Variants in TSPAN15 observed in about 807,000 individuals in gnomAD.
TSPAN15 encodes tetraspanin-15.
A neutral mutation model predicts 34.5 loss-of-function variants in TSPAN15; 20 were observed. The observed-to-expected ratio is 0.58, with a 90% CI of 0.41 to 0.84. The LOEUF is 0.84. Among genes scored for constraint, TSPAN15 ranks in the 40% least tolerant of loss-of-function variants. The probability of loss-of-function intolerance (pLI) is 0.00; values close to 1 mark genes in which losing one functional copy is unlikely to be tolerated. For missense variants in TSPAN15, 313 were observed against 386.1 expected, an observed-to-expected ratio of 0.81 and a Z score of 1.59; for synonymous variants, 155 against 153.9, an observed-to-expected ratio of 1.01 and a Z score of -0.05.
chr10:69,535,200 A>G, the TSPAN15 span, among the ~76,000 whole-genome samples: 1 of 152,164 alleles, frequency 6.6e-6, no homozygotes, highest in Non-Finnish European at 1.5e-5. Context: ...TGAAAAATAA[A>G]CCAGGCTTTT....
the TSPAN15 span, among the ~76,000 whole-genome samples, chr10:69,514,826 TAAACAAGGATACAG>T: frequency 1.3e-5 from 2 of 152,248 alleles, no homozygotes; most frequent in Admixed American, 1.3e-4. Flanking sequence ...ATTCCCATCT[TAAACAAGGATACAG>T]ACAAGCAAGG....
chr10:69,535,650 C>G, the TSPAN15 span, among the ~76,000 whole-genome samples: 1 of 152,220 alleles, frequency 6.6e-6, no homozygotes, highest in African/African-American at 2.4e-5. Context: ...GTGTCTAGGG[C>G]CAGCTTTCTG....
chr10:69,549,194 C>A, the TSPAN15 span, among the ~76,000 whole-genome samples: 2 of 152,146 alleles, frequency 1.3e-5, no homozygotes, highest in South Asian at 2.1e-4. Context: ...GGATGCTAAT[C>A]TGCCATGTTG....
chr10:69,510,228 A>G (rs113114624), downstream of TSPAN15, among the ~76,000 whole-genome samples: 3 of 152,308 alleles, frequency 2.0e-5, no homozygotes, highest in African/African-American at 4.8e-5. Context: ...ATGTTTTTCC[A>G]TTTGTTTGTG....
At chr10:69,498,426 G>T (rs768686809) in intron 5 of TSPAN15, 30 bp downstream of exon 5, 1 of 1,565,704 alleles carries the variant, frequency 6.4e-7, no homozygotes, top group Non-Finnish European at 8.8e-7. Context: ...GGACTGGGGG[G>T]CTGTCGGGGA....
chr10:69,503,964 A>G (rs975993485), intron 5 of TSPAN15, among the ~76,000 whole-genome samples: 7 of 152,206 alleles, frequency 4.6e-5, no homozygotes, highest in South Asian at 2.1e-4. Context: ...GCAGTGGTCT[A>G]TGGAACGGAA....
At chr10:69,539,477 A>AG in the TSPAN15 span, among the ~76,000 whole-genome samples, 9 of 56,436 alleles carry the variant, frequency 1.6e-4, no homozygotes, top group Admixed American at 6.5e-4. Context: ...AAGGAGAAGG[A>AG]GAAGGAGAAG....
intron 1 of TSPAN15, among the ~76,000 whole-genome samples, chr10:69,474,938 G>A (rs993989217): frequency 6.6e-6 from 1 of 152,136 alleles, no homozygotes; most frequent in African/African-American, 2.4e-5. Flanking sequence ...CTGAGTCAGC[G>A]GGGTCTGGGG....
intron 1 of TSPAN15, among the ~76,000 whole-genome samples, chr10:69,457,002 G>A (rs142886978): frequency 2.7e-4 from 41 of 152,280 alleles, no homozygotes; most frequent in African/African-American, 9.6e-4. Flanking sequence ...GGGGATGTCT[G>A]CGGGAGAAAT....
At chr10:69,516,753 G>C in the TSPAN15 span, among the ~76,000 whole-genome samples, 2 of 152,172 alleles carry the variant, frequency 1.3e-5, no homozygotes, top group Non-Finnish European at 2.9e-5. Context: ...AATCACTGAG[G>C]GTATCCATTT....
intron 1 of TSPAN15, among the ~76,000 whole-genome samples, chr10:69,460,676 T>C (rs12360104): frequency 0.4 from 60,252 of 151,900 alleles, 12,483 homozygotes; most frequent in Non-Finnish European, 0.45. Context: ...CTCTTTGGAT[T>C]CTCAGAGTGA....
At chr10:69,492,789 C>T (rs1295876665) in intron 3 of TSPAN15, among the ~76,000 whole-genome samples, 4 of 152,222 alleles carry the variant, frequency 2.6e-5, no homozygotes, top group Non-Finnish European at 5.9e-5. Context: ...CTTCATCCCA[C>T]CCTGTTGGCA....
chr10:69,458,307 C>T (rs1420582971), intron 1 of TSPAN15, among the ~76,000 whole-genome samples: 2 of 152,184 alleles, frequency 1.3e-5, no homozygotes, highest in Admixed American at 6.5e-5. Context: ...GAAAATCATA[C>T]ATGCGCATAG....
At chr10:69,541,182 G>C in the TSPAN15 span, among the ~76,000 whole-genome samples, 2 of 152,258 alleles carry the variant, frequency 1.3e-5, no homozygotes, top group African/African-American at 4.8e-5. Flanking sequence ...TGATCACTGG[G>C]GGCAGTTCAT....
intron 1 of TSPAN15, among the ~76,000 whole-genome samples, chr10:69,476,670 A>G (rs1264396140): frequency 6.6e-6 from 1 of 152,146 alleles, no homozygotes; most frequent in Non-Finnish European, 1.5e-5. Flanking sequence ...GTTTTTATAA[A>G]GGAAGAAGTC....
intron 1 of TSPAN15, among the ~76,000 whole-genome samples, chr10:69,480,688 TTTTTC>T (rs1457069770): frequency 2.0e-5 from 3 of 152,176 alleles, no homozygotes; most frequent in East Asian, 3.9e-4. Context: ...CTTGGCCTTT[TTTTTC>T]TTTTCTTTTC....
In TSPAN15 at chr10:69,489,282, T is replaced by C. The variant is rs548951621; in HGVS notation, c.357+4067T>C. Among the ~76,000 whole-genome samples, 5 of 152,364 alleles carry C rather than the reference T, an allele frequency of 3.3e-5. No homozygotes were observed. The South Asian group carries it at 6.2e-4, about 19-fold the overall frequency. ...GTCAGACCTTATGGTTGTCTTCCCT[T>C]GTTCCCTGAAAATCGCTGTTATTCT... On this transcript the variant is annotated intron_variant, in intron 3 of 7. Transcript: ENST00000373290.
rs1433624513 is a variant in TSPAN15, at chr10:69,487,568, C to T, written c.357+2353C>T. Among the ~76,000 whole-genome samples the T allele has an allele frequency of 3.3e-5, 5 of 152,254 alleles. No individual in the cohort carries two copies. The East Asian group carries it at 9.6e-4, about 29-fold the overall frequency. ...AGGGTTAGCACTTTCCTGGCTGGAG[C>T]CCAGGTCCAGTTTGTGGTCAGCAGC... On this transcript the variant is annotated intron_variant, in intron 3 of 7. Transcript: ENST00000373290.
At chr10:69,543,305 C>G in the TSPAN15 span, among the ~76,000 whole-genome samples, 36 of 152,222 alleles carry the variant, frequency 2.4e-4, no homozygotes, top group Non-Finnish European at 4.4e-4. Flanking sequence ...TGCAGTCTAT[C>G]TCGGTCTGCT....
Sources: allele counts gnomAD v4.1 joint callset (sites outside exome capture counted in the v4.1 genomes callset), GRCh38; gene constraint gnomAD v4.1.1; transcripts MANE v1.5; gene names NCBI Gene and HGNC (gene_info 2026-07-23, HGNC 2026-07-21).